ST6GALNAC6: variants seen among roughly 807,000 people sequenced by gnomAD.
The protein encoded by ST6GALNAC6 is ST6 N-acetylgalactosaminide alpha-2,6-sialyltransferase 6, also known as alpha-N-acetylgalactosaminide alpha-2,6-sialyltransferase 6.
A neutral mutation model predicts 34.3 loss-of-function variants in ST6GALNAC6; 19 were observed. That is an observed-to-expected ratio of 0.55 (90% CI 0.39 to 0.81). The LOEUF (loss-of-function observed/expected upper bound fraction) is 0.81. Ranked by LOEUF, ST6GALNAC6 falls within the 40% of genes least tolerant of loss-of-function variation. ST6GALNAC6 has a pLI of 0.00. For missense variants in ST6GALNAC6, 377 were observed against 467.7 expected (o/e 0.81, Z 1.79); for synonymous variants, 185 against 182.1 (o/e 1.02, Z -0.13).
chr9:127,903,615 C>T (rs1830833770), upstream of ST6GALNAC6: 1 of 152,260 alleles, frequency 6.6e-6, no homozygotes, highest in Non-Finnish European at 1.5e-5. Context: ...GGATTGGAGG[C>T]TTCCTGTCCC....
Position 127,885,848 on chromosome 9 carries a change from A to G in ST6GALNAC6, c.*751T>C, listed in dbSNP as rs999148986. On this transcript the variant is annotated 3_prime_UTR_variant, in exon 7 of 7. Coordinates refer to ENST00000373146, the MANE Select transcript of ST6GALNAC6 (RefSeq NM_013443.5). ...CAAAAATACCCTAAAGTTTTCCAGG[A>G]GGTGGGGAGGTCACCCCAGACCCCC... is the stretch of plus-strand genomic sequence containing the variant. 2 of 152,168 alleles carry G rather than the reference A, an allele frequency of 1.3e-5. 1 individual carries two copies. The highest frequency in any genetic ancestry group is 2.9e-5 in the Non-Finnish European group (2 of 68,064). 9.4% of individuals were successfully genotyped at this position (152,168 alleles called of 1,614,324 possible).
At chr9:127,904,778 C>G (rs111932259) in intron 1 of ST6GALNAC6, 4 of 152,400 alleles carry the variant, frequency 2.6e-5, no homozygotes, top group Non-Finnish European at 4.4e-5. Context: ...CCTGGGCTCC[C>G]GGCCAGAGGG....
At chr9:127,897,476 G>T in intron 2 of ST6GALNAC6, 1 of 969,460 alleles carries the variant, frequency 1.0e-6, no homozygotes, top group Non-Finnish European at 1.2e-6. Flanking sequence ...TCATGGCCCC[G>T]CCCCCTCTCC....
intron 4 of ST6GALNAC6, among the ~76,000 whole-genome samples, chr9:127,892,309 A>G (rs1830195672): frequency 6.6e-6 from 1 of 152,218 alleles, no homozygotes; most frequent in South Asian, 2.1e-4. Flanking sequence ...TTAACTCTGA[A>G]GCAAAGATGA....
In ST6GALNAC6 at chr9:127,886,203, G is replaced by A. The variant is rs1023192158; in HGVS notation, c.*396C>T. 14 of 323,468 alleles carry A rather than the reference G, an allele frequency of 4.3e-5. No homozygotes were observed. Among genetic ancestry groups the A allele is most frequent in the Admixed American group, 4.9e-5 (1 of 20,538 alleles). The allele number at this position is 323,468 out of a possible 1,614,324, so 20.0% of individuals were successfully genotyped here. On this transcript the variant is annotated 3_prime_UTR_variant, in exon 7 of 7. Transcript: ENST00000373146. ...CTGGAAATTGAGGGGGCAACACCAA[G>A]TTCCCAGCTCCTTGGGACAGGACCC...
chr9:127,889,667 A>C (rs1014010148), intron 5 of ST6GALNAC6, among the ~76,000 whole-genome samples: 9 of 151,664 alleles, frequency 5.9e-5, no homozygotes, highest in Non-Finnish European at 1.2e-4. Context: ...CTGGTCTCAA[A>C]CTCCTGACCT....
At chr9:127,886,836 G>A (rs1371313152) in intron 6 of ST6GALNAC6, 48 bp from the exon 7 acceptor site, 4 of 1,530,692 alleles carry the variant, frequency 2.6e-6, no homozygotes, top group South Asian at 1.2e-5. Context: ...AGCGCTGGCA[G>A]GGTCCTTGCC....
At chr9:127,895,445 G>A (rs1335433772) in intron 3 of ST6GALNAC6, among the ~76,000 whole-genome samples, 2 of 152,172 alleles carry the variant, frequency 1.3e-5, no homozygotes, top group Non-Finnish European at 2.9e-5. Context: ...ACCACCTGCA[G>A]CACCTGGAGG....
At chr9:127,903,548 G>C (rs1830831701), upstream of ST6GALNAC6, 1 of 152,246 alleles carries the variant, frequency 6.6e-6, no homozygotes, top group Admixed American at 6.5e-5. Flanking sequence ...CCAGGGTCCA[G>C]CCTTTAGGCC....
At chr9:127,889,006 G>A (rs1021181475) in intron 5 of ST6GALNAC6, among the ~76,000 whole-genome samples, 10 of 152,204 alleles carry the variant, frequency 6.6e-5, no homozygotes, top group African/African-American at 2.4e-4. Flanking sequence ...GTCCTTATTT[G>A]CATGTCACAT....
chr9:127,887,413 G>T, intron 6 of ST6GALNAC6, 71 bp downstream of exon 6: 1 of 1,333,682 alleles, frequency 7.5e-7, no homozygotes, highest in Non-Finnish European at 1.1e-6. Flanking sequence ...AAGGTTTCCA[G>T]CCCCTAGAGC....
At chr9:127,902,114 T>A (rs1182921544), upstream of ST6GALNAC6, among the ~76,000 whole-genome samples, 1 of 152,114 alleles carries the variant, frequency 6.6e-6, no homozygotes, top group Non-Finnish European at 1.5e-5. Context: ...TGCAAAAAAA[T>A]AAATAAGGAA....
In ST6GALNAC6 at chr9:127,898,480, G is replaced by C. The variant is rs1210645836; in HGVS notation, c.-29-470C>G. The stretch of plus-strand genomic sequence containing the variant: ...GCTCCCACAATGCCAACAGCTGTTA[G>C]TCTTGTGGTTAATCACTGTTCAAGG... On this transcript the variant is annotated intron_variant, in intron 1 of 6. Transcript: ENST00000373146. Among the ~76,000 whole-genome samples, 3 of 152,254 alleles carry C rather than the reference G, an allele frequency of 2.0e-5. No homozygotes were observed. The East Asian group carries it at 5.8e-4, about 29-fold the overall frequency.
At chr9:127,888,109 G>A (rs77735490) in intron 5 of ST6GALNAC6, among the ~76,000 whole-genome samples, 1 of 152,166 alleles carries the variant, frequency 6.6e-6, no homozygotes, top group Non-Finnish European at 1.5e-5. Context: ...TTCTTAGGTA[G>A]TATGGAAAAA....
At chr9:127,896,366 G>T in intron 2 of ST6GALNAC6, 34 bp from the exon 3 acceptor site, 1 of 1,562,342 alleles carries the variant, frequency 6.4e-7, no homozygotes, top group Non-Finnish European at 8.7e-7. Context: ...TTATGGCTTC[G>T]GTCCTTTGGG....
At chr9:127,888,138 G>C (rs1829896027) in intron 5 of ST6GALNAC6, among the ~76,000 whole-genome samples, 1 of 152,186 alleles carries the variant, frequency 6.6e-6, no homozygotes, top group Non-Finnish European at 1.5e-5. Flanking sequence ...GGCCAGGCGT[G>C]GTGGTTCATA....
Position 127,894,686 on chromosome 9 carries a change from C to T in ST6GALNAC6, c.123G>A (p.Gln41=). 6.2e-7 allele frequency: 1 copy of T among 1,614,076 alleles called. No individual in the cohort carries two copies. The highest frequency in any genetic ancestry group is 8.5e-7 in the Non-Finnish European group (1 of 1,179,972). The part of the protein sequence containing the change: ...RRREMSSNKE[Q]RSAVFVILFA... The stretch of plus-strand genomic sequence containing the variant: ...AGAGGATCACGAACACTGCTGACCG[C>T]TGCTCCTGGAGAGAGGAGAGGTCAG... Residue 41 remains glutamine (Q), a synonymous_variant, in exon 4 of 7, where the codon CAG becomes CAA. Transcript: ENST00000373146.
intron 2 of ST6GALNAC6, 112 bp downstream of exon 2, chr9:127,897,844 C>A: frequency 6.3e-7 from 1 of 1,586,506 alleles, no homozygotes; most frequent in Non-Finnish European, 8.6e-7. Flanking sequence ...GAGCTGTGCC[C>A]TCAGCCAGGA....
rs868252824 is a variant in ST6GALNAC6, at chr9:127,897,109, C to A, written c.27-777G>T. On this transcript the variant is annotated intron_variant, in intron 2 of 6. Transcript: ENST00000373146. ...GGTGGCTGGGGGGGCCTTTGGAAGA[C>A]CTGGCAGTGAGGAGGCCGGCCCAGC... 23 of 945,522 alleles carry A rather than the reference C, an allele frequency of 2.4e-5. No individual in the cohort carries two copies. The African/African-American group carries it at 3.7e-4, about 15-fold the overall frequency. 58.6% of individuals were successfully genotyped at this position (945,522 alleles called of 1,614,324 possible).
Sources: allele counts gnomAD v4.1 joint callset (sites outside exome capture counted in the v4.1 genomes callset), GRCh38; gene constraint gnomAD v4.1.1; transcripts MANE v1.5; gene names NCBI Gene and HGNC (gene_info 2026-07-23, HGNC 2026-07-21).